C2CD2: variants seen among roughly 807,000 people sequenced by gnomAD.
C2CD2 encodes the protein C2 calcium dependent domain containing 2.
Under a neutral mutation model 74.3 loss-of-function variants are expected in C2CD2, and 43 were observed. That is an observed-to-expected ratio of 0.58 (90% CI 0.45 to 0.75). The LOEUF (loss-of-function observed/expected upper bound fraction) is 0.75. Ranked by LOEUF, C2CD2 falls within the 30% of genes least tolerant of loss-of-function variation. The pLI, the probability that C2CD2 is intolerant of heterozygous loss-of-function variation, is 0.00. For synonymous variants in C2CD2, 422 were observed against 390.7 expected, an observed-to-expected ratio of 1.08 and a Z score of -0.94; for missense variants, 801 against 916.3, an observed-to-expected ratio of 0.87 and a Z score of 1.63.
intron 1 of C2CD2, among the ~76,000 whole-genome samples, chr21:41,948,300 TG>T (rs1277047247): frequency 1.3e-5 from 2 of 148,626 alleles, no homozygotes; most frequent in African/African-American, 4.8e-5. Context: ...TGCTGGGCAC[TG>T]GGTCTGGCTC....
At position 41,939,722 on chromosome 21, in the gene C2CD2, T is replaced by C. The variant is rs2065338900; in HGVS notation, c.378+2425A>G. On this transcript the variant is annotated intron_variant, in intron 2 of 13. Transcript: ENST00000380486. The surrounding 1 kb of genome is among the most constrained non-coding windows in gnomAD (Gnocchi z 5.5). ...TTCCTCACACTACTTACAAGGATTA[T>C]CTAACAGCGTGGCTCCAGGACTGAC... 6.6e-6 allele frequency among the ~76,000 whole-genome samples: 1 copy of C among 152,182 alleles called. No homozygotes were observed. The highest frequency in any genetic ancestry group is 1.5e-5 in the Non-Finnish European group (1 of 68,028).
chr21:41,897,097 A>G (rs916551469), intron 13 of C2CD2, among the ~76,000 whole-genome samples: 3 of 152,092 alleles, frequency 2.0e-5, no homozygotes, highest in Non-Finnish European at 2.9e-5. Context: ...CAAAGGGTGG[A>G]CCCCTCATCC....
At chr21:41,949,110 A>G (rs947607303) in intron 1 of C2CD2, among the ~76,000 whole-genome samples, 52 of 152,024 alleles carry the variant, frequency 3.4e-4, no homozygotes, top group African/African-American at 1.2e-3. Context: ...CTGCCCACAC[A>G]TGGTCCAGAC....
intron 6 of C2CD2, among the ~76,000 whole-genome samples, chr21:41,912,727 G>A (rs8130491): frequency 0.079 from 12,010 of 152,184 alleles, 1,514 homozygotes; most frequent in African/African-American, 0.27. Flanking sequence ...CTGACCTCGT[G>A]ATCCACCCGC....
At chr21:41,922,540 T>C (rs1391885763) in intron 2 of C2CD2, among the ~76,000 whole-genome samples, 5 of 150,834 alleles carry the variant, frequency 3.3e-5, no homozygotes, top group African/African-American at 9.8e-5. Context: ...AGTGGAGCAA[T>C]CTCGGCTCAC....
rs917970230 is a variant in C2CD2, at chr21:41,945,737, G to T, written c.280-3492C>A. Among the ~76,000 whole-genome samples, 3 of 152,178 alleles carry T rather than the reference G, an allele frequency of 2.0e-5. No individual in the cohort carries two copies. Among genetic ancestry groups the T allele is most frequent in the Non-Finnish European group, 4.4e-5 (3 of 68,026 alleles). On this transcript the variant is annotated intron_variant, in intron 1 of 13. Coordinates refer to ENST00000380486, the MANE Select transcript of C2CD2 (RefSeq NM_015500.2). The surrounding 1 kb of genome is among the most constrained non-coding windows in gnomAD (Gnocchi z 4.2). ...ATAGTGAGTTCTCACAAGATCTGAT[G>T]CTTTTCTAAGTGTTTGGAAGTTCCT...
At chr21:41,922,168 T>C in intron 2 of C2CD2, 83 bp from the exon 3 acceptor site, 2 of 807,884 alleles carry the variant, frequency 2.5e-6, no homozygotes, top group Non-Finnish European at 4.1e-6. Flanking sequence ...TTCTTCTTTT[T>C]TTTTTTTTGA....
intron 1 of C2CD2, among the ~76,000 whole-genome samples, chr21:41,946,566 A>G (rs1046610947): frequency 6.6e-6 from 1 of 152,262 alleles, no homozygotes; most frequent in African/African-American, 2.4e-5. Context: ...CCGCAGAAGC[A>G]GAACCTGCTA....
chr21:41,931,570 G>A (rs1267667877), intron 2 of C2CD2, among the ~76,000 whole-genome samples: 10 of 149,656 alleles, frequency 6.7e-5, no homozygotes, highest in African/African-American at 2.4e-4. Flanking sequence ...CTACAGGCGC[G>A]TGCCACCACG....
In C2CD2 at chr21:41,923,259, C is replaced by G. The variant is rs1202439042; in HGVS notation, c.379-1174G>C. On this transcript the variant is annotated intron_variant, in intron 2 of 13. Transcript: ENST00000380486. This position sits in a 1 kb window ranked among gnomAD's most constrained non-coding sequence, Gnocchi z 5.8. Reference sequence around the variant, plus strand: ...CCGCCCACCTCGGCCTTCCAAAGTGCTAGGATTACAGGCATGAGCCACCGT... The same window carrying G: ...CCGCCCACCTCGGCCTTCCAAAGTGGTAGGATTACAGGCATGAGCCACCGT... Among the ~76,000 whole-genome samples the G allele has an allele frequency of 1.3e-5, 2 of 152,146 alleles. No individual in the cohort carries two copies. Among genetic ancestry groups the G allele is most frequent in the East Asian group, 3.8e-4 (2 of 5,196 alleles).
At chr21:41,902,578 T>C (rs1485275108) in intron 11 of C2CD2, among the ~76,000 whole-genome samples, 1 of 152,202 alleles carries the variant, frequency 6.6e-6, no homozygotes, top group Non-Finnish European at 1.5e-5. Context: ...TACACTTTCC[T>C]GCTCAGGTAA....
intron 13 of C2CD2, chr21:41,894,972 T>C (rs561566771): frequency 6.6e-6 from 3 of 456,526 alleles, no homozygotes; most frequent in East Asian, 6.9e-5. Context: ...GAGGTGTCGC[T>C]GTGTCAACCT....
rs1020746176 is a variant in C2CD2, at chr21:41,924,246, T to C, written c.379-2161A>G. 1.3e-5 allele frequency among the ~76,000 whole-genome samples: 2 copies of C among 152,180 alleles called. No individual in the cohort carries two copies. Among genetic ancestry groups the C allele is most frequent in the African/African-American group, 4.8e-5 (2 of 41,428 alleles). ...CTGGCTCCTGGCCGCAGCCAAGCCC[T>C]GGGTCCAGCTCTTCCCACCAGTGGC... On this transcript the variant is annotated intron_variant, in intron 2 of 13. Coordinates refer to ENST00000380486, the MANE Select transcript of C2CD2 (RefSeq NM_015500.2). The surrounding 1 kb of genome is among the most constrained non-coding windows in gnomAD (Gnocchi z 4.4).
intron 2 of C2CD2, among the ~76,000 whole-genome samples, chr21:41,923,000 T>A (rs138741445): frequency 1.0e-4 from 1 of 9,672 alleles, no homozygotes; most frequent in Non-Finnish European, 1.8e-4. Flanking sequence ...GTCTTTTTCC[T>A]TTTTTTTTTT....
rs558782888 is a variant in C2CD2 at position 41,946,294 on chromosome 21, G to A, written c.280-4049C>T. On this transcript the variant is annotated intron_variant, in intron 1 of 13. Transcript: ENST00000380486. ...AAAGGAGGTGACATGATGTGGATCT[G>A]TGTCCCTGCCCAAATCTCATGTCGA... 5.3e-5 allele frequency among the ~76,000 whole-genome samples: 8 copies of A among 152,336 alleles called. No individual in the cohort carries two copies. In the East Asian group the frequency reaches 1.5e-3, roughly 29 times the overall value.
intron 13 of C2CD2, among the ~76,000 whole-genome samples, chr21:41,891,899 G>A (rs528559080): frequency 4.6e-5 from 7 of 152,114 alleles, no homozygotes; most frequent in African/African-American, 9.7e-5. Context: ...TTTCATAGGC[G>A]TCCCTGCACT....
intron 2 of C2CD2, among the ~76,000 whole-genome samples, chr21:41,930,008 G>T (rs1027700409): frequency 1.3e-5 from 2 of 151,212 alleles, no homozygotes; most frequent in Non-Finnish European, 3.0e-5. Flanking sequence ...TCATGAAAGG[G>T]AGGAAGCGAG....
intron 13 of C2CD2, among the ~76,000 whole-genome samples, chr21:41,898,168 C>T (rs2064846179): frequency 6.6e-6 from 1 of 152,198 alleles, no homozygotes; most frequent in African/African-American, 2.4e-5. Flanking sequence ...GCCTTGGAGC[C>T]CCACACAAGA....
Position 41,953,494 on chromosome 21 carries a change from G to T in C2CD2, c.155C>A (p.Pro52His). 6.7e-7 allele frequency: 1 copy of T among 1,483,644 alleles called. No individual in the cohort carries two copies. The highest frequency in any genetic ancestry group is 9.0e-7 in the Non-Finnish European group (1 of 1,116,082). 91.9% of individuals were successfully genotyped at this position (1,483,644 alleles called of 1,614,324 possible). A position where few individuals can be genotyped will look rare whatever the true frequency, so the allele number is the denominator to read the frequency against. ...RPQPQRRAVEPGEGPRPGSDA... is the reference protein window; with the variant it reads ...RPQPQRRAVEHGEGPRPGSDA... ...GGACCCCGGGCGCGGCCCCTCTCCA[G>T]GCTCCACCGCCCGCCGCTGGGGCTG... The change falls in exon 1 of 14, where the codon CCT becomes CAT. Residue 52 changes from proline to histidine, a missense_variant. Physicochemically the swap from Pro to His is moderately conservative, Grantham distance 77. Transcript: ENST00000380486.
Sources: allele counts gnomAD v4.1 joint callset (sites outside exome capture counted in the v4.1 genomes callset), GRCh38; gene constraint gnomAD v4.1.1; non-coding constraint Gnocchi (gnomAD v3.1); transcripts MANE v1.5; gene names NCBI Gene and HGNC (gene_info 2026-07-23, HGNC 2026-07-21).